HERC4: variants seen among roughly 807,000 people sequenced by gnomAD.
The protein encoded by HERC4 is HECT and RLD domain containing E3 ubiquitin protein ligase 4, also known as probable E3 ubiquitin-protein ligase HERC4.
HERC4 carries 28 observed loss-of-function variants against 124.3 expected under a neutral mutation model. The ratio of observed to expected loss-of-function variants is 0.23; its 90% CI spans 0.17 to 0.31. The LOEUF (loss-of-function observed/expected upper bound fraction) is 0.31, where lower values mean the gene tolerates loss of function less well. Ranked by LOEUF, HERC4 falls within the 10% of genes least tolerant of loss-of-function variation. The probability of loss-of-function intolerance (pLI) is 1.00; values close to 1 mark genes in which losing one functional copy is unlikely to be tolerated. For missense variants in HERC4, 713 were observed against 1,229.3 expected, an observed-to-expected ratio of 0.58 and a Z score of 6.28; for synonymous variants, 407 against 421.5, an observed-to-expected ratio of 0.97 and a Z score of 0.42.
chr10:68,063,157 AATG>A (rs1229519459), intron 3 of HERC4, among the ~76,000 whole-genome samples: 1 of 152,110 alleles, frequency 6.6e-6, no homozygotes, highest in Non-Finnish European at 1.5e-5. Context: ...TAGATCATTA[AATG>A]ATATTCATCA....
chr10:67,973,159 T>C (rs936282787), intron 15 of HERC4, among the ~76,000 whole-genome samples: 1 of 151,826 alleles, frequency 6.6e-6, no homozygotes, highest in Non-Finnish European at 1.5e-5. Flanking sequence ...GGTTTGAAGA[T>C]ACTGCAAATA....
intron 4 of HERC4, 108 bp from the exon 5 acceptor site, chr10:68,038,277 A>G (rs2039581080): frequency 4.3e-6 from 2 of 468,608 alleles, no homozygotes; most frequent in Admixed American, 7.8e-5. Context: ...CATAGGTCAT[A>G]TTATTTTTTT....
chr10:67,931,717 G>T (rs1253561205), intron 23 of HERC4, among the ~76,000 whole-genome samples: 5 of 152,050 alleles, frequency 3.3e-5, no homozygotes, highest in African/African-American at 1.2e-4. Flanking sequence ...GAGCCATCGC[G>T]CCTGGCTTGG....
At chr10:67,941,827 T>A (rs1448503135) in intron 19 of HERC4, among the ~76,000 whole-genome samples, 1 of 151,994 alleles carries the variant, frequency 6.6e-6, no homozygotes, top group Non-Finnish European at 1.5e-5. Flanking sequence ...GGCTAATTTT[T>A]GTATTTTTAG....
chr10:68,038,243 T>C, intron 4 of HERC4, 74 bp from the exon 5 acceptor site: 1 of 691,576 alleles, frequency 1.4e-6, no homozygotes, highest in Non-Finnish European at 2.4e-6. Flanking sequence ...ATTTATGTTA[T>C]TTATTGATGG....
rs112486297 is a variant in HERC4 at position 68,072,827 on chromosome 10, A to C, written c.226+56T>G. 52 of 1,223,954 alleles carry C rather than the reference A, an allele frequency of 4.2e-5. No homozygotes were observed. The African/African-American group carries it at 6.8e-4, about 16-fold the overall frequency. 75.8% of individuals were successfully genotyped at this position (1,223,954 alleles called of 1,614,324 possible). On this transcript the variant is annotated intron_variant, in intron 3 of 24. Transcript: ENST00000373700. Reference sequence around the variant, plus strand: ...ACTAGAGAAATTATACGATGATTCAAATTTAAAATGATATAATTATTAAAA... The same window carrying C: ...ACTAGAGAAATTATACGATGATTCACATTTAAAATGATATAATTATTAAAA...
chr10:67,957,092 G>A, intron 16 of HERC4, 116 bp from the exon 17 acceptor site: 3 of 548,388 alleles, frequency 5.5e-6, no homozygotes, highest in East Asian at 2.9e-5. Context: ...ATGTGGTTCT[G>A]GAATTACAAA....
chr10:67,959,550 A>G (rs1164347684), intron 16 of HERC4, among the ~76,000 whole-genome samples: 2 of 152,220 alleles, frequency 1.3e-5, no homozygotes, highest in African/African-American at 4.8e-5. Flanking sequence ...AATCTCAGCA[A>G]AATGTCTGAC....
intron 16 of HERC4, chr10:67,965,140 T>C (rs947621934): frequency 6.6e-6 from 1 of 152,214 alleles, no homozygotes; most frequent in African/African-American, 2.4e-5. Context: ...TTACCAAATG[T>C]TCGTTGTTCT....
In HERC4 at chr10:67,976,069, A is replaced by C. The variant is rs150742938; in HGVS notation, c.1807-9267T>G. ...AAGTAAATTTTGCTGGAAAGCAGCC[A>C]CTCCCATCCATTTACATGCTGTCCA... is the stretch of plus-strand genomic sequence containing the variant. On this transcript the variant is annotated intron_variant, in intron 15 of 24. Coordinates refer to ENST00000373700, the MANE Select transcript of HERC4 (RefSeq NM_015601.4). Among the ~76,000 whole-genome samples the C allele has an allele frequency of 6.3e-4, 95 of 151,432 alleles. No homozygotes were observed. The East Asian group carries it at 0.018, about 29-fold the overall frequency.
chr10:68,029,336 C>T (rs1416905184), intron 7 of HERC4, among the ~76,000 whole-genome samples: 1 of 151,972 alleles, frequency 6.6e-6, no homozygotes, highest in Non-Finnish European at 1.5e-5. Context: ...ACTAAAAATA[C>T]AGAAAATTAG....
At chr10:68,044,105 A>G (rs903423672) in intron 4 of HERC4, among the ~76,000 whole-genome samples, 1 of 152,220 alleles carries the variant, frequency 6.6e-6, no homozygotes, top group South Asian at 2.1e-4. Flanking sequence ...TCAAGATAGT[A>G]GTAGTTTAAA....
intron 3 of HERC4, chr10:68,067,022 C>CT (rs2041336411): frequency 6.6e-6 from 1 of 152,590 alleles, no homozygotes; most frequent in African/African-American, 2.4e-5. Flanking sequence ...CTGGTAGACT[C>CT]TAACTTTCAG....
intron 7 of HERC4, among the ~76,000 whole-genome samples, chr10:68,029,447 G>A (rs1294110430): frequency 4.6e-5 from 7 of 151,418 alleles, no homozygotes; most frequent in South Asian, 4.2e-4. Flanking sequence ...GGCCGAGATC[G>A]CACCACTGTA....
At chr10:68,044,164 G>A (rs1297165771) in intron 4 of HERC4, among the ~76,000 whole-genome samples, 1 of 151,900 alleles carries the variant, frequency 6.6e-6, no homozygotes. Flanking sequence ...TATTCCCTAT[G>A]CTTTTTTTAC....
chr10:67,927,412 ATATATATATATATATATATTTT>A (rs1414236034), intron 23 of HERC4, among the ~76,000 whole-genome samples: 1 of 9,046 alleles, frequency 1.1e-4, no homozygotes, highest in African/African-American at 3.7e-4. Flanking sequence ...ATATATATAT[ATATATATATATATATATATTTT>A]TTTTTTTTTT....
chr10:68,054,013 C>T (rs2040434795), intron 3 of HERC4, among the ~76,000 whole-genome samples: 1 of 152,154 alleles, frequency 6.6e-6, no homozygotes, highest in South Asian at 2.1e-4. Flanking sequence ...TTTAAAACCA[C>T]CAGAGATTAA....
At chr10:68,062,380 T>C (rs1394591857) in intron 3 of HERC4, among the ~76,000 whole-genome samples, 1 of 152,170 alleles carries the variant, frequency 6.6e-6, no homozygotes, top group Non-Finnish European at 1.5e-5. Flanking sequence ...TTACTATTTA[T>C]TTCCATCTGG....
At position 67,942,464 on chromosome 10, in the gene HERC4, A is replaced by C. The variant is rs1347514620; in HGVS notation, c.2338-1359T>G. On this transcript the variant is annotated intron_variant, in intron 19 of 24. Transcript: ENST00000373700. The stretch of plus-strand genomic sequence containing the variant: ...AGGAAGAATTCATAAGTCAAAAGAC[A>C]GTCAAGCATATTGCTAATCTGTTTT... Among the ~76,000 whole-genome samples, 4 of 152,216 alleles carry C rather than the reference A, an allele frequency of 2.6e-5. No homozygotes were observed. In the East Asian group the frequency reaches 5.8e-4, roughly 22 times the overall value.
Sources: allele counts gnomAD v4.1 joint callset (sites outside exome capture counted in the v4.1 genomes callset), GRCh38; gene constraint gnomAD v4.1.1; transcripts MANE v1.5; gene names NCBI Gene and HGNC (gene_info 2026-07-23, HGNC 2026-07-21).